CDH12: variants seen among roughly 807,000 people sequenced by gnomAD.
The protein encoded by CDH12 is cadherin-12.
Under a neutral mutation model 74.1 loss-of-function variants are expected in CDH12, and 41 were observed. The ratio of observed to expected loss-of-function variants is 0.55; its 90% CI spans 0.43 to 0.72. The LOEUF is 0.72. Among genes scored for constraint, CDH12 ranks in the 30% least tolerant of loss-of-function variants. CDH12 has a pLI of 0.00. For synonymous variants in CDH12, 399 were observed against 355.0 expected, an observed-to-expected ratio of 1.12 and a Z score of -1.39; for missense variants, 945 against 977.2, an observed-to-expected ratio of 0.97 and a Z score of 0.44.
intron 1 of CDH12, among the ~76,000 whole-genome samples, chr5:22,673,671 G>A (rs569034280): frequency 6.6e-6 from 1 of 152,156 alleles, no homozygotes; most frequent in African/African-American, 2.4e-5. Flanking sequence ...TATATGTGGT[G>A]CCTTCAAAAA....
chr5:22,057,977 T>A (rs564201728), intron 5 of CDH12, among the ~76,000 whole-genome samples: 1 of 152,252 alleles, frequency 6.6e-6, no homozygotes, highest in Middle Eastern at 3.4e-3. Context: ...TGGTTTATTT[T>A]CAAAGTTTAG....
chr5:22,699,482 C>T (rs1264017309), intron 1 of CDH12, among the ~76,000 whole-genome samples: 1 of 151,562 alleles, frequency 6.6e-6, no homozygotes, highest in Non-Finnish European at 1.5e-5. Flanking sequence ...ACATTAGCAT[C>T]GAAATAAAAG....
At chr5:22,371,315 C>T (rs1741277582) in intron 3 of CDH12, among the ~76,000 whole-genome samples, 1 of 151,982 alleles carries the variant, frequency 6.6e-6, no homozygotes, top group East Asian at 1.9e-4. Context: ...TTATATGCTT[C>T]TACATATAAG....
At chr5:22,043,047 C>CT in intron 5 of CDH12, among the ~76,000 whole-genome samples, 2 of 152,078 alleles carry the variant, frequency 1.3e-5, no homozygotes, top group Non-Finnish European at 2.9e-5. Flanking sequence ...TATTCTCAAA[C>CT]TTTTTTCAGA....
At chr5:22,772,875 G>T (rs1197241376) in intron 1 of CDH12, among the ~76,000 whole-genome samples, 1 of 151,966 alleles carries the variant, frequency 6.6e-6, no homozygotes, top group African/African-American at 2.4e-5. Flanking sequence ...TGAAATTAAA[G>T]ATGTGGATTT....
chr5:22,175,709 G>A (rs895734260), intron 4 of CDH12, among the ~76,000 whole-genome samples: 3 of 152,108 alleles, frequency 2.0e-5, no homozygotes, highest in South Asian at 2.1e-4. Context: ...AACAGAAAGC[G>A]TGAATGCTGA....
chr5:22,132,966 C>T (rs943265180), intron 4 of CDH12, among the ~76,000 whole-genome samples: 21 of 152,148 alleles, frequency 1.4e-4, no homozygotes, highest in Non-Finnish European at 2.1e-4. Flanking sequence ...CATTCCACTC[C>T]AAAACTAAAT....
intron 5 of CDH12, among the ~76,000 whole-genome samples, chr5:22,078,094 ATAAAAAT>A (rs1360203253): frequency 9.2e-5 from 14 of 152,138 alleles, no homozygotes; most frequent in African/African-American, 3.4e-4. Context: ...GCTGTGAGCA[ATAAAAAT>A]GATATAACTA....
In CDH12 at chr5:21,975,084, T is replaced by C; in HGVS notation, c.526+7A>G. The C allele has an allele frequency of 6.3e-7, 1 of 1,582,142 alleles. No individual in the cohort carries two copies. Among genetic ancestry groups the C allele is most frequent in the Non-Finnish European group, 8.5e-7 (1 of 1,171,904 alleles). ...GTATCTCACAGAATTTTGATTTGCC[T>C]ACTCACCCACAGGAGACATTTCTGG... is the stretch of plus-strand genomic sequence containing the variant. On this transcript the variant is annotated splice_region_variant and intron_variant, in intron 6 of 14. Coordinates refer to ENST00000382254, the MANE Select transcript of CDH12 (RefSeq NM_004061.5).
At chr5:22,155,008 A>G (rs1191384506) in intron 4 of CDH12, among the ~76,000 whole-genome samples, 1 of 152,076 alleles carries the variant, frequency 6.6e-6, no homozygotes, top group African/African-American at 2.4e-5. Flanking sequence ...TTGCCTCACT[A>G]TCAGTCAGCT....
At chr5:22,060,665 A>AG (rs1741127307) in intron 5 of CDH12, among the ~76,000 whole-genome samples, 1 of 152,146 alleles carries the variant, frequency 6.6e-6, no homozygotes, top group South Asian at 2.1e-4. Context: ...AATTCACCAC[A>AG]GGTCCCTCAG....
chr5:21,854,473 AG>A (rs1750645057), intron 7 of CDH12, among the ~76,000 whole-genome samples, 197 bp downstream of exon 7: 1 of 151,770 alleles, frequency 6.6e-6, no homozygotes, highest in African/African-American at 2.4e-5. Context: ...ATATGTTAAA[AG>A]GTTTATTTTA....
At chr5:21,826,731 GA>G (rs1307871783) in intron 8 of CDH12, among the ~76,000 whole-genome samples, 4 of 152,118 alleles carry the variant, frequency 2.6e-5, no homozygotes, top group African/African-American at 9.7e-5. Flanking sequence ...TATTCTTTAA[GA>G]GGAATAGACA....
At chr5:22,297,014 C>CGTT (rs1313354032) in intron 3 of CDH12, among the ~76,000 whole-genome samples, 5 of 150,740 alleles carry the variant, frequency 3.3e-5, no homozygotes, top group Non-Finnish European at 7.4e-5. Context: ...TTGTTGTTAT[C>CGTT]GTTGTTGTTG....
At chr5:22,705,912 T>TATATATATACAA (rs1742984430) in intron 1 of CDH12, among the ~76,000 whole-genome samples, 1 of 152,102 alleles carries the variant, frequency 6.6e-6, no homozygotes, top group Non-Finnish European at 1.5e-5. Flanking sequence ...CAAAATGCTA[T>TATATATATACAA]AATAAGGTGA....
intron 3 of CDH12, among the ~76,000 whole-genome samples, chr5:22,259,824 A>T (rs1753448789): frequency 6.6e-6 from 1 of 152,020 alleles, no homozygotes; most frequent in Non-Finnish European, 1.5e-5. Context: ...TTGCTGAGGT[A>T]AACTTTGAAG....
intron 3 of CDH12, among the ~76,000 whole-genome samples, chr5:22,370,880 G>T (rs1174692505): frequency 1.3e-5 from 2 of 152,144 alleles, no homozygotes; most frequent in Non-Finnish European, 2.9e-5. Flanking sequence ...AAAATTCTAG[G>T]CGTAGATGCA....
intron 1 of CDH12, among the ~76,000 whole-genome samples, chr5:22,710,229 C>A (rs1251653146): frequency 6.6e-6 from 1 of 152,138 alleles, no homozygotes; most frequent in African/African-American, 2.4e-5. Context: ...GTACCTCAAG[C>A]TACTTGTTTT....
At chr5:21,848,441 C>A (rs1375864746) in intron 7 of CDH12, among the ~76,000 whole-genome samples, 1 of 151,928 alleles carries the variant, frequency 6.6e-6, no homozygotes, top group Non-Finnish European at 1.5e-5. Flanking sequence ...AATTCCATAG[C>A]TCAGTTACAT....
Sources: gnomAD v4.1 joint callset for allele counts (sites outside exome capture counted in the v4.1 genomes callset) on GRCh38, gnomAD v4.1.1 for gene constraint, MANE v1.5 for transcripts, NCBI Gene and HGNC (gene_info 2026-07-23, HGNC 2026-07-21) for gene names.